NINL: variants seen among roughly 807,000 people sequenced by gnomAD.
The protein encoded by NINL is ninein-like protein.
In NINL, 153 loss-of-function variants were observed where a neutral mutation model predicts 160.3. That is an observed-to-expected ratio of 0.95 (90% CI 0.84 to 1.09). The LOEUF is 1.09. Ranked by LOEUF, NINL falls within the 50% of genes least tolerant of loss-of-function variation. NINL has a pLI of 0.00. For synonymous variants in NINL, 800 were observed against 734.8 expected (o/e 1.09, Z -1.43); for missense variants, 1,829 against 1,764.0 (o/e 1.04, Z -0.66).
chr20:25,574,283 A>G (rs2065089881), intron 1 of NINL, among the ~76,000 whole-genome samples: 1 of 152,192 alleles, frequency 6.6e-6, no homozygotes. Flanking sequence ...TGGATCCCAA[A>G]GTCATTTCAA....
At chr20:25,494,656 G>A (rs954170509) in intron 10 of NINL, among the ~76,000 whole-genome samples, 1 of 152,208 alleles carries the variant, frequency 6.6e-6, no homozygotes, top group African/African-American at 2.4e-5. Context: ...CACCCCCTAT[G>A]GACTGAACCA....
chr20:25,538,770 C>T (rs1053562529), intron 1 of NINL, among the ~76,000 whole-genome samples: 2 of 151,844 alleles, frequency 1.3e-5, no homozygotes, highest in Admixed American at 1.3e-4. Flanking sequence ...CTGAGGAGAG[C>T]ACAGAACTGG....
chr20:25,536,719 A>T (rs2064562569), intron 1 of NINL, among the ~76,000 whole-genome samples: 1 of 145,760 alleles, frequency 6.9e-6, no homozygotes, highest in Non-Finnish European at 1.5e-5. Context: ...ACTGTCTCCA[A>T]AAAAAAAAAA....
At chr20:25,540,729 T>C (rs2064649481) in intron 1 of NINL, among the ~76,000 whole-genome samples, 1 of 152,196 alleles carries the variant, frequency 6.6e-6, no homozygotes, top group South Asian at 2.1e-4. Context: ...AGTGCCTACC[T>C]TCCAGCTGAA....
At chr20:25,557,745 G>A (rs2064885275) in intron 1 of NINL, among the ~76,000 whole-genome samples, 1 of 152,034 alleles carries the variant, frequency 6.6e-6, no homozygotes, top group African/African-American at 2.4e-5. Context: ...CTTGACAATT[G>A]ATAGAACTAG....
chr20:25,503,497 G>A (rs1393886406), intron 7 of NINL, among the ~76,000 whole-genome samples: 2 of 148,442 alleles, frequency 1.3e-5, no homozygotes, highest in African/African-American at 5.0e-5. Flanking sequence ...CCCAGGAGGT[G>A]GGCACCTGAG....
At chr20:25,540,385 C>T (rs1416524920) in intron 1 of NINL, among the ~76,000 whole-genome samples, 2 of 152,186 alleles carry the variant, frequency 1.3e-5, no homozygotes, top group East Asian at 1.9e-4. Context: ...ACGTTGTCAT[C>T]GCTCTGCAGG....
intron 23 of NINL, among the ~76,000 whole-genome samples, chr20:25,454,019 TC>T (rs2146255219): frequency 6.6e-6 from 1 of 151,902 alleles, no homozygotes; most frequent in Non-Finnish European, 1.5e-5. Context: ...ACCACTGCAC[TC>T]CATCCAGCCT....
chr20:25,547,186 A>T (rs937278515), intron 1 of NINL, among the ~76,000 whole-genome samples: 35 of 152,244 alleles, frequency 2.3e-4, no homozygotes, highest in African/African-American at 8.2e-4. Flanking sequence ...TATATTACTG[A>T]GGTGACTCTA....
At position 25,476,612 on chromosome 20, in the gene NINL, G is replaced by T; in HGVS notation, c.2679C>A (p.Pro893=). 3 of 1,594,834 alleles carry T rather than the reference G, an allele frequency of 1.9e-6. No homozygotes were observed. Among genetic ancestry groups the T allele is most frequent in the East Asian group, 2.2e-5 (1 of 44,684 alleles). Reference sequence around the variant, plus strand: ...GGCCGTGGGATGCCGGGGCAGGGGCGGGGGCCGGGCTCTGCGTAGCTTCTG... The same window carrying T: ...GGCCGTGGGATGCCGGGGCAGGGGCTGGGGCCGGGCTCTGCGTAGCTTCTG... ...QDTEATQSPA[P]APAPASHGPS... The change falls in exon 17 of 24, where the codon CCC becomes CCA. Residue 893 remains proline (P), a synonymous_variant. Coordinates refer to ENST00000278886, the MANE Select transcript of NINL (RefSeq NM_025176.6).
chr20:25,508,865 C>T (rs1398010460), intron 5 of NINL, among the ~76,000 whole-genome samples: 2 of 152,250 alleles, frequency 1.3e-5, no homozygotes, highest in Non-Finnish European at 2.9e-5. Flanking sequence ...AGTTTGCTCC[C>T]TACACGTCCA....
chr20:25,545,194 G>A (rs1257917977), intron 1 of NINL, among the ~76,000 whole-genome samples: 1 of 152,190 alleles, frequency 6.6e-6, no homozygotes, highest in African/African-American at 2.4e-5. Flanking sequence ...CTATTCCCAT[G>A]GGCCTTGAGC....
intron 2 of NINL, among the ~76,000 whole-genome samples, chr20:25,525,651 C>CA (rs1230434549): frequency 6.6e-6 from 1 of 151,818 alleles, no homozygotes; most frequent in Non-Finnish European, 1.5e-5. Flanking sequence ...GAGACTGTCT[C>CA]AAAAAAACAA....
chr20:25,535,562 G>A (rs1016213403), intron 1 of NINL, among the ~76,000 whole-genome samples: 1 of 152,172 alleles, frequency 6.6e-6, no homozygotes, highest in African/African-American at 2.4e-5. Context: ...TGGGGTGGGG[G>A]AGAAGTTCTA....
At chr20:25,455,614 A>G (rs1044359398) in intron 23 of NINL, 59 bp downstream of exon 23, 4 of 1,276,928 alleles carry the variant, frequency 3.1e-6, no homozygotes, top group East Asian at 4.6e-5. Context: ...CACACCCATA[A>G]AAGTGGAGAG....
At chr20:25,463,037 C>G (rs942854724) in intron 19 of NINL, among the ~76,000 whole-genome samples, 3 of 152,126 alleles carry the variant, frequency 2.0e-5, no homozygotes, top group African/African-American at 7.2e-5. Context: ...CAACTTTGCT[C>G]CTGAGGAAAT....
chr20:25,463,626 T>C (rs76627504), intron 19 of NINL, among the ~76,000 whole-genome samples: 6,266 of 152,294 alleles, frequency 0.041, 183 homozygotes, highest in Middle Eastern at 0.065. Context: ...TATTTCTGCT[T>C]ACTTGCTTTT....
At chr20:25,475,609 C>T (rs748950818) in intron 17 of NINL, among the ~76,000 whole-genome samples, 2 of 152,096 alleles carry the variant, frequency 1.3e-5, no homozygotes, top group Admixed American at 6.5e-5. Context: ...CAGTGGCTCA[C>T]GCCTGTAATC....
At chr20:25,489,068 G>A (rs891253392) in intron 13 of NINL, 176 bp downstream of exon 13, 5 of 639,784 alleles carry the variant, frequency 7.8e-6, no homozygotes, top group Admixed American at 2.6e-5. Context: ...TTCAGGATAG[G>A]TGGCAACGAG....
Sources: gnomAD v4.1 joint callset for allele counts (sites outside exome capture counted in the v4.1 genomes callset) on GRCh38, gnomAD v4.1.1 for gene constraint, MANE v1.5 for transcripts, NCBI Gene and HGNC (gene_info 2026-07-23, HGNC 2026-07-21) for gene names.